Variants in SLC36A1 observed in about 807,000 individuals in gnomAD.
SLC36A1 encodes the protein solute carrier family 36 member 1.
Under a neutral mutation model 47.5 loss-of-function variants are expected in SLC36A1, and 30 were observed. The observed-to-expected ratio is 0.63, with a 90% CI of 0.47 to 0.86. SLC36A1 has a LOEUF of 0.86. SLC36A1 is among the 40% of genes least tolerant of loss of function. SLC36A1 has a pLI of 0.00. For synonymous variants in SLC36A1, 255 were observed against 249.7 expected, an observed-to-expected ratio of 1.02 and a Z score of -0.20; for missense variants, 517 against 606.0, an observed-to-expected ratio of 0.85 and a Z score of 1.54.
At chr5:151,357,895 A>G in the SLC36A1 span, among the ~76,000 whole-genome samples, 1 of 152,364 alleles carries the variant, frequency 6.6e-6, no homozygotes, top group East Asian at 1.9e-4. Context: ...GACAGATAAG[A>G]TTTAACAGTG....
At chr5:151,384,523 G>A in the SLC36A1 span, among the ~76,000 whole-genome samples, 1 of 152,196 alleles carries the variant, frequency 6.6e-6, no homozygotes, top group Admixed American at 6.5e-5. Context: ...TCAGACAATA[G>A]CTCAAAAGCA....
At chr5:151,388,582 A>G in the SLC36A1 span, among the ~76,000 whole-genome samples, 2 of 151,542 alleles carry the variant, frequency 1.3e-5, no homozygotes, top group Non-Finnish European at 2.9e-5. Flanking sequence ...TTGTGGCTCA[A>G]CCACCTTGGA....
chr5:151,479,422 C>T lies in SLC36A1; in HGVS notation c.1092C>T (p.Ser364=), dbSNP rs138339360. ...AGATCATCATCCCCTTCTTTGTGTC[C>T]CGAGCGCCCGAGCACTGTGAGTTAG... is the stretch of plus-strand genomic sequence containing the variant. ...PAEIIIPFFV[S]RAPEHCELVV... is the part of the protein sequence containing the mutation. Residue 364 remains serine, a synonymous_variant, in exon 10 of 11, where the codon TCC becomes TCT. Coordinates refer to ENST00000243389, the MANE Select transcript of SLC36A1 (RefSeq NM_078483.4). 2.5e-3 allele frequency: 4,038 copies of T among 1,614,154 alleles called. 8 individuals are homozygous for T. Among genetic ancestry groups the T allele is most frequent in the Non-Finnish European group, 3.1e-3 (3,663 of 1,180,014 alleles).
At chr5:151,440,143 C>T (rs943888249) in intron 1 of SLC36A1, among the ~76,000 whole-genome samples, 13 of 152,050 alleles carry the variant, frequency 8.5e-5, no homozygotes, top group Admixed American at 2.6e-4. Context: ...TGTATCCCTA[C>T]GTAACAGTGT....
At chr5:151,530,624 CATTT>C in the SLC36A1 span, among the ~76,000 whole-genome samples, 2 of 152,166 alleles carry the variant, frequency 1.3e-5, no homozygotes, top group Admixed American at 6.5e-5. Context: ...TTCGAAAAGA[CATTT>C]ATGAGAATCT....
the SLC36A1 span, chr5:151,522,118 A>G: frequency 6.6e-7 from 1 of 1,511,018 alleles, no homozygotes; most frequent in Non-Finnish European, 9.0e-7. Context: ...CTGTCACCCA[A>G]CAGAACTGCA....
the SLC36A1 span, among the ~76,000 whole-genome samples, chr5:151,548,356 A>G: frequency 6.6e-6 from 1 of 151,972 alleles, no homozygotes; most frequent in Non-Finnish European, 1.5e-5. Context: ...ACAAATTATC[A>G]TTAATAATTA....
At chr5:151,447,858 G>C (rs1230668052) in intron 1 of SLC36A1, 45 bp downstream of exon 1, 1 of 152,306 alleles carries the variant, frequency 6.6e-6, no homozygotes, top group Non-Finnish European at 1.5e-5. Flanking sequence ...CGACTCCTTG[G>C]CGTCCCCGGG....
At chr5:151,546,364 T>G in the SLC36A1 span, 1 of 1,571,774 alleles carries the variant, frequency 6.4e-7, no homozygotes. Context: ...GACAAACAAG[T>G]TTGCCACACC....
the SLC36A1 span, among the ~76,000 whole-genome samples, chr5:151,427,648 A>G: frequency 6.4e-4 from 98 of 152,262 alleles, no homozygotes; most frequent in African/African-American, 2.1e-3. Flanking sequence ...ATGGCCATAC[A>G]TACTCACACC....
chr5:151,541,736 A>G, the SLC36A1 span, among the ~76,000 whole-genome samples: 2 of 152,252 alleles, frequency 1.3e-5, no homozygotes, highest in South Asian at 2.1e-4. Context: ...CCAGCCCTGA[A>G]GCAAGCACAA....
chr5:151,364,066 T>C, the SLC36A1 span, among the ~76,000 whole-genome samples: 1 of 152,258 alleles, frequency 6.6e-6, no homozygotes, highest in Non-Finnish European at 1.5e-5. Context: ...TTCTCTTGAC[T>C]GTGAATGGCA....
the SLC36A1 span, chr5:151,507,391 C>G: frequency 4.3e-6 from 7 of 1,614,176 alleles, no homozygotes; most frequent in Admixed American, 1.7e-5. Flanking sequence ...GCTTGGGTGT[C>G]AACACCAACA....
At chr5:151,382,105 A>G in the SLC36A1 span, 1 of 816,038 alleles carries the variant, frequency 1.2e-6, no homozygotes, top group African/African-American at 1.7e-5. Context: ...ACAGTCATCC[A>G]CATGGTGCTG....
At chr5:151,441,829 A>ATC (rs1752650201) in intron 1 of SLC36A1, among the ~76,000 whole-genome samples, 4 of 152,196 alleles carry the variant, frequency 2.6e-5, no homozygotes, top group African/African-American at 9.6e-5. Flanking sequence ...TAACTTGATA[A>ATC]GTTTCAACAT....
the SLC36A1 span, chr5:151,543,696 G>C: frequency 6.2e-7 from 1 of 1,614,092 alleles, no homozygotes; most frequent in Non-Finnish European, 8.5e-7. Flanking sequence ...ACTCTGGGCT[G>C]TACTTGTTGG....
At chr5:151,467,678 T>C in intron 6 of SLC36A1, 29 bp from the exon 7 acceptor site, 1 of 1,585,392 alleles carries the variant, frequency 6.3e-7, no homozygotes, top group Admixed American at 1.7e-5. Flanking sequence ...TGAGAGGTGT[T>C]TCCGTTTTCT....
chr5:151,458,354 T>TACAC (rs1561738311), intron 1 of SLC36A1, among the ~76,000 whole-genome samples: 6 of 120,480 alleles, frequency 5.0e-5, no homozygotes, highest in African/African-American at 2.3e-4. Flanking sequence ...TATATATATA[T>TACAC]ATACACACAC....
the SLC36A1 span, among the ~76,000 whole-genome samples, chr5:151,395,297 C>T: frequency 1.1e-4 from 16 of 152,266 alleles, 2 homozygotes; most frequent in South Asian, 1.2e-3. Flanking sequence ...TTCCAGGTGC[C>T]GTCTGTCACA....
Sources: gnomAD v4.1 joint callset for allele counts (sites outside exome capture counted in the v4.1 genomes callset) on GRCh38, gnomAD v4.1.1 for gene constraint, MANE v1.5 for transcripts, NCBI Gene and HGNC (gene_info 2026-07-23, HGNC 2026-07-21) for gene names.